The following CUL9 variants were observed in gnomAD, a reference collection of about 807,000 sequenced individuals.
The protein encoded by CUL9 is cullin-9.
In CUL9, 79 loss-of-function variants were observed where a neutral mutation model predicts 272.6. The ratio of observed to expected loss-of-function variants is 0.29; its 90% CI spans 0.24 to 0.35. The LOEUF is 0.35. CUL9 is among the 10% of genes least tolerant of loss of function. CUL9 has a pLI of 1.00. For synonymous variants in CUL9, 1,186 were observed against 1,286.5 expected (o/e 0.92, Z 1.67); for missense variants, 2,532 against 3,255.6 (o/e 0.78, Z 5.41).
At position 43,213,129 on chromosome 6, in the gene CUL9, TCTC is replaced by T. The variant is rs1775654380; in HGVS notation, c.5213-17_5213-15del. On this transcript the variant is annotated splice_polypyrimidine_tract_variant and intron_variant, in intron 26 of 40. Coordinates refer to ENST00000252050, the MANE Select transcript of CUL9 (RefSeq NM_015089.4). The surrounding 1 kb of genome is among the most constrained non-coding windows in gnomAD (Gnocchi z 5.7). ...TTCGCCCATTCTGTGTCTCCACCCT[TCTC>T]CTTGACACTTGCCTAGGTCAGAACC... The T allele has an allele frequency of 3.7e-6, 6 of 1,611,992 alleles. No homozygotes were observed. Among genetic ancestry groups the T allele is most frequent in the South Asian group, 1.1e-5 (1 of 90,918 alleles).
chr6:43,183,837 CCG>C (rs1772672326), intron 1 of CUL9, among the ~76,000 whole-genome samples: 1 of 152,118 alleles, frequency 6.6e-6, no homozygotes, highest in African/African-American at 2.4e-5. Context: ...ACTGCAACCT[CCG>C]CCTCCTGGGT....
intron 8 of CUL9, among the ~76,000 whole-genome samples, chr6:43,192,131 A>G (rs1267897087): frequency 6.9e-6 from 1 of 144,018 alleles, no homozygotes; most frequent in Non-Finnish European, 1.5e-5. Context: ...GCATGATCAC[A>G]GCTTGCTGCT....
Position 43,221,470 on chromosome 6 carries a change from C to A in CUL9, c.6752+149C>A. 1 of 1,006,336 alleles carries A rather than the reference C, an allele frequency of 9.9e-7. No individual in the cohort carries two copies. Among genetic ancestry groups the A allele is most frequent in the Non-Finnish European group, 1.4e-6 (1 of 700,036 alleles). The allele number at this position is 1,006,336 out of a possible 1,614,324, so 62.3% of individuals were successfully genotyped here. A position where few individuals can be genotyped will look rare whatever the true frequency, so the allele number is the denominator to read the frequency against. ...ACGTGGCAGCCTCCACGGTGACTTC[C>A]TGGATCTTAATGTTCCTTCTCCCAC... On this transcript the variant is annotated intron_variant, in intron 34 of 40. Transcript: ENST00000252050. The surrounding 1 kb of genome is among the most constrained non-coding windows in gnomAD (Gnocchi z 4.2).
At chr6:43,212,222 G>C (rs1775565863) in intron 26 of CUL9, among the ~76,000 whole-genome samples, 1 of 152,254 alleles carries the variant, frequency 6.6e-6, no homozygotes. Flanking sequence ...TCCACCAGGA[G>C]GCAGGTTCAG....
At chr6:43,205,528 G>C in intron 24 of CUL9, 105 bp downstream of exon 24, 1 of 1,345,054 alleles carries the variant, frequency 7.4e-7, no homozygotes, top group Non-Finnish European at 1.0e-6. Context: ...GTAGAGGAGA[G>C]ATTAAGATGT....
chr6:43,185,322 T>C (rs770975648), intron 2 of CUL9, 134 bp from the exon 3 acceptor site: 50 of 852,122 alleles, frequency 5.9e-5, no homozygotes, highest in Non-Finnish European at 8.5e-5. Context: ...CAGGTTACCA[T>C]GTAAAATGTA....
At position 43,222,137 on chromosome 6, in the gene CUL9, C is replaced by A. The variant is rs1045255474; in HGVS notation, c.6847-179C>A. 17 of 633,932 alleles carry A rather than the reference C, an allele frequency of 2.7e-5. No homozygotes were observed. The African/African-American group carries it at 2.9e-4, about 11-fold the overall frequency. The allele number at this position is 633,932 out of a possible 1,614,324, so 39.3% of individuals were successfully genotyped here. A position where few individuals can be genotyped will look rare whatever the true frequency, so the allele number is the denominator to read the frequency against. ...GAGCAAGTTCATTTACTTCTCCAAG[C>A]CTCAACAGCCTCTGCAAAAGGGGTG... On this transcript the variant is annotated intron_variant, in intron 35 of 40. Coordinates refer to ENST00000252050, the MANE Select transcript of CUL9 (RefSeq NM_015089.4).
Position 43,184,620 on chromosome 6 carries a change from C to T in CUL9, c.310C>T (p.Pro104Ser). 6.2e-7 allele frequency: 1 copy of T among 1,612,262 alleles called. No individual in the cohort carries two copies. The highest frequency in any genetic ancestry group is 8.5e-7 in the Non-Finnish European group (1 of 1,178,494). ...AGVSGSFPRD[P>S]GGLDEVAMGE... is the part of the protein sequence containing the mutation. ...GGTTTCAGGAAGCTTTCCTCGAGAT[C>T]CAGGAGGCCTGGATGAAGTGGCAAT... Residue 104 changes from proline (P) to serine (S), a missense_variant, in exon 2 of 41, where the codon CCA becomes TCA. Pro to Ser is a moderately conservative substitution (Grantham distance 74). Around this residue, in one of 3 missense-constraint regions of CUL9, gnomAD observed 2,218 missense variants for 2,788.6 expected, o/e 0.80. Transcript: ENST00000252050. The surrounding 1 kb of genome is among the most constrained non-coding windows in gnomAD (Gnocchi z 4.8).
intron 35 of CUL9, 52 bp from the exon 36 acceptor site, chr6:43,222,263 TC>T (rs1432591911): frequency 1.4e-6 from 2 of 1,463,108 alleles, no homozygotes; most frequent in East Asian, 4.5e-5. Flanking sequence ...ACTTATTAAC[TC>T]CCTCCTGTCC....
At chr6:43,215,678 T>A (rs1775880617) in intron 30 of CUL9, among the ~76,000 whole-genome samples, 1 of 152,264 alleles carries the variant, frequency 6.6e-6, no homozygotes, top group Admixed American at 6.5e-5. Context: ...CTGCTTTTCA[T>A]GCCTGCTGTT....
At chr6:43,185,712 C>A (rs1772847275) in intron 3 of CUL9, 102 bp downstream of exon 3, 1 of 1,373,908 alleles carries the variant, frequency 7.3e-7, no homozygotes, top group Non-Finnish European at 9.8e-7. Flanking sequence ...CACCTGGGAA[C>A]TTGTTAACAT....
In CUL9 at chr6:43,215,101, G is replaced by A; in HGVS notation, c.5711G>A (p.Gly1904Asp). Residue 1904 changes from glycine to aspartate, a missense_variant, in exon 30 of 41, where the codon GGT becomes GAT. By Grantham distance (94) the Gly-to-Asp change is moderately conservative (BLOSUM62 -1). Coordinates refer to ENST00000252050, the MANE Select transcript of CUL9 (RefSeq NM_015089.4). Reference protein sequence around the residue: ...VCLVLEAWQKGPNPPGTLGHT... With the variant: ...VCLVLEAWQKDPNPPGTLGHT... The stretch of plus-strand genomic sequence containing the variant: ...CAGGTGCTGGAGGCCTGGCAGAAGG[G>A]TCCAAATCCTCCTGGAACCCTGGGC... The A allele has an allele frequency of 6.2e-7, 1 of 1,611,672 alleles. No homozygotes were observed. The highest frequency in any genetic ancestry group is 1.1e-5 in the South Asian group (1 of 90,922).
chr6:43,184,451 T>C lies in CUL9; in HGVS notation c.141T>C (p.Cys47=). 2 of 1,613,642 alleles carry C rather than the reference T, an allele frequency of 1.2e-6. No homozygotes were observed. The highest frequency in any genetic ancestry group is 4.5e-5 in the East Asian group (2 of 44,842). The change falls in exon 2 of 41, where the codon TGT becomes TGC. Residue 47 remains cysteine, a synonymous_variant. Coordinates refer to ENST00000252050, the MANE Select transcript of CUL9 (RefSeq NM_015089.4). This position sits in a 1 kb window ranked among gnomAD's most constrained non-coding sequence, Gnocchi z 4.8. ...TGATCCGATGGAGTGTCCTGAAGTG[T>C]GGGGAAGTGGGCAAAGTGGGTGTGG... ...EYLIRWSVLK[C]GEVGKVGVEE...
At position 43,199,410 on chromosome 6, in the gene CUL9, G is replaced by A; in HGVS notation, c.3156+39G>A. ...GGCAAGGAGAAGAGAGGGAAGGGCA[G>A]CATCTGGGGCACCAACTCCTTGTGA... On this transcript the variant is annotated intron_variant, in intron 13 of 40. Coordinates refer to ENST00000252050, the MANE Select transcript of CUL9 (RefSeq NM_015089.4). The surrounding 1 kb of genome is among the most constrained non-coding windows in gnomAD (Gnocchi z 4.4). 1 of 1,502,222 alleles carries A rather than the reference G, an allele frequency of 6.7e-7. No individual in the cohort carries two copies. Among genetic ancestry groups the A allele is most frequent in the Non-Finnish European group, 9.3e-7 (1 of 1,079,540 alleles). 93.1% of individuals were successfully genotyped at this position (1,502,222 alleles called of 1,614,324 possible).
Position 43,188,004 on chromosome 6 carries a change from C to T in CUL9, c.1873C>T (p.Pro625Ser). 6.2e-7 allele frequency: 1 copy of T among 1,613,838 alleles called. No homozygotes were observed. Among genetic ancestry groups the T allele is most frequent in the Non-Finnish European group, 8.5e-7 (1 of 1,180,016 alleles). The part of the protein sequence containing the change: ...KAEAPKTEAE[P>S]TKTRTETPMA... ...CGAGGCCCCTAAGACAGAGGCCGAGCCCACCAAGACAAGGACCGAGACCCC... is the reference window on the plus strand; with the variant it reads ...CGAGGCCCCTAAGACAGAGGCCGAGTCCACCAAGACAAGGACCGAGACCCC... The change falls in exon 7 of 41, where the codon CCC becomes TCC. Residue 625 changes from proline (P) to serine (S), a missense_variant. Pro to Ser is a moderately conservative substitution (Grantham distance 74, BLOSUM62 -1). Around this residue, in one of 3 missense-constraint regions of CUL9, gnomAD observed 2,218 missense variants for 2,788.6 expected, o/e 0.80. Coordinates refer to ENST00000252050, the MANE Select transcript of CUL9 (RefSeq NM_015089.4).
At position 43,224,227 on chromosome 6, in the gene CUL9, C is replaced by A; in HGVS notation, c.7359-23C>A. The A allele has an allele frequency of 6.2e-7, 1 of 1,614,140 alleles. No homozygotes were observed. Among genetic ancestry groups the A allele is most frequent in the Non-Finnish European group, 8.5e-7 (1 of 1,179,982 alleles). ...GTGGGACATGGCAGCCTCCTCTGGG[C>A]TGAGTGTGGTGGCTCTCCCTAGGCC... On this transcript the variant is annotated intron_variant, in intron 40 of 40. Coordinates refer to ENST00000252050, the MANE Select transcript of CUL9 (RefSeq NM_015089.4). The surrounding 1 kb of genome is among the most constrained non-coding windows in gnomAD (Gnocchi z 4.2).
In CUL9 at chr6:43,224,068, T is replaced by C; in HGVS notation, c.7285-27T>C. On this transcript the variant is annotated intron_variant, in intron 39 of 40. Transcript: ENST00000252050. The surrounding 1 kb of genome is among the most constrained non-coding windows in gnomAD (Gnocchi z 4.2). Reference sequence around the variant, plus strand: ...AAAGGCCCCATGCCCTCTACCTCCTTCTCAAATCCTTCTGTCTGCTCACCA... The same window carrying C: ...AAAGGCCCCATGCCCTCTACCTCCTCCTCAAATCCTTCTGTCTGCTCACCA... 4 of 1,612,220 alleles carry C rather than the reference T, an allele frequency of 2.5e-6. No individual in the cohort carries two copies. The highest frequency in any genetic ancestry group is 3.4e-6 in the Non-Finnish European group (4 of 1,178,512).
Position 43,223,693 on chromosome 6 carries a change from T to C in CUL9, c.7284+296T>C, listed in dbSNP as rs1776570408. The stretch of plus-strand genomic sequence containing the variant: ...TTGGGGAACTTTTCCAGACTGTACT[T>C]CCCAGATAGGGATTTGAAATCCTAA... On this transcript the variant is annotated intron_variant, in intron 39 of 40. Transcript: ENST00000252050. The surrounding 1 kb of genome is among the most constrained non-coding windows in gnomAD (Gnocchi z 4.1). The C allele has an allele frequency of 3.8e-6, 2 of 520,634 alleles. No individual in the cohort carries two copies. The highest frequency in any genetic ancestry group is 6.9e-6 in the Non-Finnish European group (2 of 289,680). The allele number at this position is 520,634 out of a possible 1,614,324, so 32.3% of individuals were successfully genotyped here.
Position 43,213,665 on chromosome 6 carries a change from C to T in CUL9, c.5489-48C>T. 6.2e-7 allele frequency: 1 copy of T among 1,607,332 alleles called. No homozygotes were observed. The highest frequency in any genetic ancestry group is 1.3e-5 in the African/African-American group (1 of 74,878). On this transcript the variant is annotated intron_variant, in intron 28 of 40. Coordinates refer to ENST00000252050, the MANE Select transcript of CUL9 (RefSeq NM_015089.4). This position sits in a 1 kb window ranked among gnomAD's most constrained non-coding sequence, Gnocchi z 5.7. ...GAATGGGGTCATCTTAGTCCCCATT[C>T]ATCTGTCCCTCTGCCTCCTCTGGTA... is the stretch of plus-strand genomic sequence containing the variant.
Sources: gnomAD v4.1 joint callset for allele counts (sites outside exome capture counted in the v4.1 genomes callset) on GRCh38, gnomAD v4.1.1 for gene constraint, gnomAD v4.1.1 regional missense constraint, Gnocchi (gnomAD v3.1) non-coding constraint, MANE v1.5 for transcripts, NCBI Gene and HGNC (gene_info 2026-07-23, HGNC 2026-07-21) for gene names.